The following SF3A3 variants were observed in gnomAD, a reference collection of about 807,000 sequenced individuals.
The protein encoded by SF3A3 is SAP 61.
A neutral mutation model predicts 85.8 loss-of-function variants in SF3A3; 9 were observed. That is an observed-to-expected ratio of 0.10 (90% CI 0.06 to 0.18). The LOEUF (loss-of-function observed/expected upper bound fraction) is 0.18. SF3A3 is among the 10% of genes least tolerant of loss of function. The pLI, the probability that SF3A3 is intolerant of heterozygous loss-of-function variation, is 1.00. For synonymous variants in SF3A3, 195 were observed against 204.4 expected (o/e 0.95, Z 0.39); for missense variants, 306 against 593.3 (o/e 0.52, Z 5.03).
intron 4 of SF3A3, 22 bp from the exon 5 acceptor site, chr1:37,984,801 C>T (rs1646443853): frequency 6.2e-7 from 1 of 1,602,652 alleles, no homozygotes; most frequent in Admixed American, 1.7e-5. Context: ...AGTAAAAGCT[C>T]AGGTGGATTT....
At chr1:37,970,759 T>G (rs899624703) in intron 12 of SF3A3, among the ~76,000 whole-genome samples, 4 of 152,154 alleles carry the variant, frequency 2.6e-5, no homozygotes, top group Non-Finnish European at 4.4e-5. Flanking sequence ...GAATGACTAC[T>G]GGATAAATAA....
At chr1:37,968,007 G>A (rs1646314929) in intron 15 of SF3A3, 37 bp downstream of exon 15, 3 of 1,310,828 alleles carry the variant, frequency 2.3e-6, no homozygotes, top group Admixed American at 3.4e-5. Context: ...AGAGCCATTT[G>A]TACTCGCCTA....
At chr1:37,984,354 G>A (rs1646440793) in intron 5 of SF3A3, 94 bp from the exon 6 acceptor site, 2 of 726,564 alleles carry the variant, frequency 2.8e-6, no homozygotes, top group African/African-American at 3.5e-5. Flanking sequence ...AGTTTCCTGA[G>A]GCAGCACTTC....
At chr1:37,963,856 C>T (rs1646279470) in intron 15 of SF3A3, among the ~76,000 whole-genome samples, 1 of 130,684 alleles carries the variant, frequency 7.7e-6, no homozygotes, top group African/African-American at 2.9e-5. Context: ...GCGCCTGGCC[C>T]TGCCAATGAT....
At chr1:37,984,895 C>T in intron 4 of SF3A3, 116 bp from the exon 5 acceptor site, 1 of 783,278 alleles carries the variant, frequency 1.3e-6, no homozygotes, top group South Asian at 1.5e-5. Context: ...GCAACCTCTA[C>T]CTCCCGGGTT....
At chr1:37,977,091 C>G in intron 11 of SF3A3, 138 bp from the exon 12 acceptor site, 1 of 663,890 alleles carries the variant, frequency 1.5e-6, no homozygotes, top group East Asian at 2.7e-5. Flanking sequence ...AAAGCAAATG[C>G]TCTGTTCATC....
chr1:37,966,256 A>G (rs992895875), intron 15 of SF3A3, among the ~76,000 whole-genome samples: 3 of 150,310 alleles, frequency 2.0e-5, no homozygotes, highest in Non-Finnish European at 4.5e-5. Flanking sequence ...AAAAAGAAGA[A>G]AAGAAAAGGC....
intron 2 of SF3A3, among the ~76,000 whole-genome samples, chr1:37,988,857 TTGTGTG>T (rs547811229): frequency 1.2e-4 from 18 of 146,762 alleles, no homozygotes; most frequent in East Asian, 6.0e-4. Flanking sequence ...ACGGGGTGTG[TTGTGTG>T]TGTGTGTGTG....
intron 15 of SF3A3, among the ~76,000 whole-genome samples, chr1:37,961,780 A>AAAG (rs1646260882): frequency 3.5e-5 from 5 of 141,856 alleles, no homozygotes; most frequent in African/African-American, 1.4e-4. Flanking sequence ...AAAAAAAAAA[A>AAAG]AAAGAAAGAA....
intron 14 of SF3A3, 88 bp from the exon 15 acceptor site, chr1:37,968,222 A>T: frequency 1.3e-6 from 1 of 798,342 alleles, no homozygotes; most frequent in East Asian, 2.5e-5. Context: ...AAATCCTAAC[A>T]TGGCCCTTTG....
intron 12 of SF3A3, 100 bp downstream of exon 12, chr1:37,976,784 T>TCC (rs1646382356): frequency 1.3e-6 from 1 of 791,760 alleles, no homozygotes; most frequent in African/African-American, 1.7e-5. Flanking sequence ...AGCTATCCAC[T>TCC]CCTCTTTTGA....
intron 15 of SF3A3, among the ~76,000 whole-genome samples, chr1:37,961,772 A>AAAAAAAAAAAAAAAAAAAAG (rs1646260575): frequency 6.9e-6 from 1 of 144,912 alleles, no homozygotes; most frequent in Non-Finnish European, 1.5e-5. Flanking sequence ...AAAAAAAAAA[A>AAAAAAAAAAAAAAAAAAAAG]AAAAAAAAAA....
At chr1:37,969,812 CT>C (rs1646326315) in intron 12 of SF3A3, 77 bp from the exon 13 acceptor site, 1 of 1,491,218 alleles carries the variant, frequency 6.7e-7, no homozygotes, top group Non-Finnish European at 9.2e-7. Flanking sequence ...TTTCCTGTAA[CT>C]TTTGCTGACC....
At chr1:37,983,948 A>G (rs1447044073) in intron 6 of SF3A3, among the ~76,000 whole-genome samples, 1 of 152,186 alleles carries the variant, frequency 6.6e-6, no homozygotes, top group African/African-American at 2.4e-5. Flanking sequence ...AAATAAAAAA[A>G]AAAGTATTAA....
chr1:37,979,425 A>C, intron 9 of SF3A3, 40 bp downstream of exon 9: 1 of 1,481,942 alleles, frequency 6.7e-7, no homozygotes, highest in Non-Finnish European at 9.4e-7. Flanking sequence ...AGACAGAAAA[A>C]TAGACAGAGA....
chr1:37,965,166 T>TA (rs1249744161), intron 15 of SF3A3, among the ~76,000 whole-genome samples: 3 of 148,940 alleles, frequency 2.0e-5, no homozygotes, highest in African/African-American at 7.4e-5. Context: ...CAAAAAAAAA[T>TA]AAAAAATAAA....
chr1:37,968,148 G>A lies in SF3A3; in HGVS notation c.1282-14C>T. ...ATGACGCCATTCCTGGGAGAAGAGAGAAGCAAAAGGATCATGTGAAATGGG... is the reference window on the plus strand; with the variant it reads ...ATGACGCCATTCCTGGGAGAAGAGAAAAGCAAAAGGATCATGTGAAATGGG... On this transcript the variant is annotated splice_polypyrimidine_tract_variant and intron_variant, in intron 14 of 16. Transcript: ENST00000373019. The A allele has an allele frequency of 6.5e-7, 1 of 1,538,858 alleles. No individual in the cohort carries two copies.
intron 15 of SF3A3, 69 bp downstream of exon 15, chr1:37,967,975 T>C: frequency 1.1e-6 from 1 of 889,880 alleles, no homozygotes; most frequent in Non-Finnish European, 1.9e-6. Context: ...CACAGGGTAT[T>C]AGGATGCTGA....
chr1:37,984,826 G>C (rs1437848662), intron 4 of SF3A3, 47 bp from the exon 5 acceptor site: 1 of 1,479,202 alleles, frequency 6.8e-7, no homozygotes. Flanking sequence ...TTTTGCTTTT[G>C]AGATGGATTC....
Sources: allele counts gnomAD v4.1 joint callset (sites outside exome capture counted in the v4.1 genomes callset), GRCh38; gene constraint gnomAD v4.1.1; transcripts MANE v1.5; gene names NCBI Gene and HGNC (gene_info 2026-07-23, HGNC 2026-07-21).